CCDC126: variants seen among roughly 807,000 people sequenced by gnomAD.
The protein encoded by CCDC126 is coiled-coil domain-containing protein 126.
CCDC126 carries 5 observed loss-of-function variants against 11.7 expected under a neutral mutation model. That is an observed-to-expected ratio of 0.43 (90% CI 0.22 to 0.90). The LOEUF (loss-of-function observed/expected upper bound fraction) is 0.90, where lower values mean the gene tolerates loss of function less well. Among genes scored for constraint, CCDC126 ranks in the 40% least tolerant of loss-of-function variants. The pLI, the probability that CCDC126 is intolerant of heterozygous loss-of-function variation, is 0.27. For synonymous variants in CCDC126, 60 were observed against 61.9 expected (o/e 0.97, Z 0.14); for missense variants, 150 against 163.1 (o/e 0.92, Z 0.44).
intron 2 of CCDC126, among the ~76,000 whole-genome samples, chr7:23,602,637 G>C (rs907508098): frequency 1.3e-5 from 2 of 152,114 alleles, no homozygotes; most frequent in African/African-American, 4.8e-5. Context: ...TTTGTTGACT[G>C]CTCCCGAGAT....
chr7:23,634,663 T>G (rs750978902), intron 3 of CCDC126, among the ~76,000 whole-genome samples: 4 of 152,224 alleles, frequency 2.6e-5, no homozygotes, highest in Non-Finnish European at 5.9e-5. Flanking sequence ...ATCAGCTGGC[T>G]TCTGCCTGGG....
At chr7:23,641,366 C>T (rs751803300) in intron 3 of CCDC126, among the ~76,000 whole-genome samples, 3 of 151,964 alleles carry the variant, frequency 2.0e-5, no homozygotes, top group Admixed American at 6.6e-5. Flanking sequence ...TCTTTTTGTT[C>T]GTGAATTGTA....
intron 3 of CCDC126, among the ~76,000 whole-genome samples, chr7:23,612,445 A>G (rs972027436): frequency 1.6e-5 from 2 of 128,910 alleles, no homozygotes; most frequent in African/African-American, 5.6e-5. Flanking sequence ...ACTGAATTCT[A>G]GCTTGGGTGA....
At chr7:23,602,549 G>C (rs1562827418) in intron 2 of CCDC126, among the ~76,000 whole-genome samples, 1 of 152,126 alleles carries the variant, frequency 6.6e-6, no homozygotes, top group Non-Finnish European at 1.5e-5. Context: ...GATTTCTCCA[G>C]ACCAGGCCAT....
intron 3 of CCDC126, among the ~76,000 whole-genome samples, chr7:23,636,460 G>A (rs1441931126): frequency 2.7e-5 from 4 of 148,630 alleles, no homozygotes; most frequent in African/African-American, 7.5e-5. Context: ...AGTGAGGAGC[G>A]TCTCTGCCCG....
chr7:23,637,090 C>T (rs1783242950), intron 3 of CCDC126, among the ~76,000 whole-genome samples: 1 of 100,038 alleles, frequency 1.0e-5, no homozygotes, highest in Admixed American at 8.5e-5. Context: ...GGGGTCAGCC[C>T]CCCGCCCGGC....
chr7:23,600,378 C>CG (rs200741028), intron 2 of CCDC126, among the ~76,000 whole-genome samples: 1 of 134,306 alleles, frequency 7.4e-6, no homozygotes, highest in Non-Finnish European at 1.6e-5. Flanking sequence ...GTGTTAACCC[C>CG]CCCCCCCCCA....
rs771834447 is a variant in CCDC126, at chr7:23,611,542, T to C, written c.227T>C (p.Met76Thr). 4.4e-6 allele frequency: 7 copies of C among 1,596,440 alleles called. No individual in the cohort carries two copies. The highest frequency in any genetic ancestry group is 2.2e-5 in the East Asian group (1 of 44,758). ...NTVDVENGAS[M>T]AGYADLKRTI... ...GTGGATGTCGAGAACGGTGCTTCTA[T>C]GGCAGGATATGGTAAGATAACCGTA... The change falls in exon 3 of 4, where the codon ATG (methionine) becomes ACG (threonine). Residue 76 changes from methionine to threonine, a missense_variant. Coordinates refer to ENST00000307471, the MANE Select transcript of CCDC126 (RefSeq NM_138771.4).
At chr7:23,634,525 G>A (rs1783173573) in intron 3 of CCDC126, among the ~76,000 whole-genome samples, 1 of 152,210 alleles carries the variant, frequency 6.6e-6, no homozygotes, top group Non-Finnish European at 1.5e-5. Context: ...GTCTGCAAGA[G>A]CATGTGTGCT....
chr7:23,625,471 A>G (rs1323419707), intron 3 of CCDC126, among the ~76,000 whole-genome samples: 1 of 152,086 alleles, frequency 6.6e-6, no homozygotes, highest in East Asian at 1.9e-4. Context: ...GACCAATTCT[A>G]TTTAATTTTA....
At chr7:23,600,966 G>C (rs1375511301) in intron 2 of CCDC126, among the ~76,000 whole-genome samples, 1 of 151,908 alleles carries the variant, frequency 6.6e-6, no homozygotes, top group African/African-American at 2.4e-5. Context: ...GTCAGTCCTA[G>C]CTACTAGGGA....
chr7:23,627,251 C>T (rs1562496312), intron 3 of CCDC126, among the ~76,000 whole-genome samples: 1 of 152,064 alleles, frequency 6.6e-6, no homozygotes, highest in Non-Finnish European at 1.5e-5. Context: ...TGCAGTGGCT[C>T]ACACCTGTAA....
At chr7:23,631,731 A>C (rs981161629) in intron 3 of CCDC126, among the ~76,000 whole-genome samples, 4 of 152,090 alleles carry the variant, frequency 2.6e-5, no homozygotes, top group African/African-American at 9.7e-5. Flanking sequence ...ACTGCACCTC[A>C]GCCTGGGTGA....
chr7:23,624,874 A>G (rs2128018944), intron 3 of CCDC126, among the ~76,000 whole-genome samples: 1 of 152,298 alleles, frequency 6.6e-6, no homozygotes, highest in East Asian at 1.9e-4. Flanking sequence ...ACAGGATCTC[A>G]TGCTCTTGCC....
At chr7:23,609,644 G>C (rs1471965442) in intron 2 of CCDC126, among the ~76,000 whole-genome samples, 1 of 152,152 alleles carries the variant, frequency 6.6e-6, no homozygotes, top group Non-Finnish European at 1.5e-5. Context: ...GAGGCAGGTG[G>C]ATAGCTTGAG....
intron 2 of CCDC126, among the ~76,000 whole-genome samples, chr7:23,608,773 A>G (rs1782659790): frequency 6.6e-6 from 1 of 152,196 alleles, no homozygotes; most frequent in Non-Finnish European, 1.5e-5. Context: ...GGGAATTGCA[A>G]TAGAGAAAGA....
intron 3 of CCDC126, among the ~76,000 whole-genome samples, chr7:23,639,461 G>A (rs993896502): frequency 6.6e-6 from 1 of 152,130 alleles, no homozygotes; most frequent in East Asian, 1.9e-4. Context: ...TGCCTCGGCC[G>A]CCCAAAGTGC....
intron 3 of CCDC126, among the ~76,000 whole-genome samples, chr7:23,639,933 T>C (rs1388559299): frequency 6.6e-6 from 1 of 152,172 alleles, no homozygotes; most frequent in Non-Finnish European, 1.5e-5. Flanking sequence ...CCCAGCACTT[T>C]GGGAGGCCGA....
At chr7:23,611,972 T>C (rs1215116993) in intron 3 of CCDC126, among the ~76,000 whole-genome samples, 1 of 151,956 alleles carries the variant, frequency 6.6e-6, no homozygotes, top group Non-Finnish European at 1.5e-5. Flanking sequence ...TAAAACCCCG[T>C]CTCTACTGAA....
Sources: allele counts gnomAD v4.1 joint callset (sites outside exome capture counted in the v4.1 genomes callset), GRCh38; gene constraint gnomAD v4.1.1; transcripts MANE v1.5; gene names NCBI Gene and HGNC (gene_info 2026-07-23, HGNC 2026-07-21).